Variants in ETV6 observed in about 807,000 individuals in gnomAD.
The protein encoded by ETV6 is transcription factor ETV6.
A neutral mutation model predicts 51.1 loss-of-function variants in ETV6; 16 were observed. The ratio of observed to expected loss-of-function variants is 0.31; its 90% CI spans 0.21 to 0.48. ETV6 has a LOEUF of 0.48. Ranked by LOEUF, ETV6 falls within the 20% of genes least tolerant of loss-of-function variation. The pLI, the probability that ETV6 is intolerant of heterozygous loss-of-function variation, is 0.99. For synonymous variants in ETV6, 240 were observed against 224.1 expected, an observed-to-expected ratio of 1.07 and a Z score of -0.64; for missense variants, 458 against 594.8, an observed-to-expected ratio of 0.77 and a Z score of 2.39.
chr12:11,733,280 T>G (rs1591637933), intron 1 of ETV6, among the ~76,000 whole-genome samples: 1 of 151,754 alleles, frequency 6.6e-6, no homozygotes. Flanking sequence ...TGGTGGCAGG[T>G]GCCTGTAGTC....
chr12:11,708,257 GAAA>G (rs59648448), intron 1 of ETV6, among the ~76,000 whole-genome samples: 12 of 113,228 alleles, frequency 1.1e-4, no homozygotes, highest in Non-Finnish European at 9.4e-5. Flanking sequence ...GAGTCTCAGT[GAAA>G]AAAAAAAAAA....
chr12:11,893,031 G>A lies in ETV6; in HGVS notation c.*1985G>A, dbSNP rs986089818. 1.0e-4 allele frequency: 24 copies of A among 232,782 alleles called. No individual in the cohort carries two copies. Among genetic ancestry groups the A allele is most frequent in the African/African-American group, 4.6e-4 (21 of 45,322 alleles). 14.4% of individuals were successfully genotyped at this position (232,782 alleles called of 1,614,324 possible). A position where few individuals can be genotyped will look rare whatever the true frequency, so the allele number is the denominator to read the frequency against. ...AGGTCAGGGACCTTCTATATGAGGC[G>A]AGTGGGTCTCAGTCTGCTTGAATGG... On this transcript the variant is annotated 3_prime_UTR_variant, in exon 8 of 8. Coordinates refer to ENST00000396373, the MANE Select transcript of ETV6 (RefSeq NM_001987.5).
At chr12:11,857,715 T>C (rs892098895) in intron 4 of ETV6, among the ~76,000 whole-genome samples, 2 of 152,182 alleles carry the variant, frequency 1.3e-5, no homozygotes, top group African/African-American at 4.8e-5. Flanking sequence ...TGTATGTATA[T>C]TTTAAAGGAT....
At chr12:11,711,872 A>G (rs1213621695) in intron 1 of ETV6, among the ~76,000 whole-genome samples, 1 of 152,124 alleles carries the variant, frequency 6.6e-6, no homozygotes, top group African/African-American at 2.4e-5. Flanking sequence ...GTATTTCCCA[A>G]CCTTCCCCCC....
chr12:11,778,480 C>T lies in ETV6; in HGVS notation c.163+25901C>T, dbSNP rs570441166. Among the ~76,000 whole-genome samples, 3 of 152,282 alleles carry T rather than the reference C, an allele frequency of 2.0e-5. No homozygotes were observed. The South Asian group carries it at 6.2e-4, about 32-fold the overall frequency. ...TTGTAACCATCTGAGATTCCTGGGG[C>T]TGGGTATAGTGCCTGATGCTCTCAA... On this transcript the variant is annotated intron_variant, in intron 2 of 7. Coordinates refer to ENST00000396373, the MANE Select transcript of ETV6 (RefSeq NM_001987.5).
chr12:11,893,841 T>TATACAC lies in ETV6; in HGVS notation c.*2796_*2797insTACACA, dbSNP rs1491290450. On this transcript the variant is annotated 3_prime_UTR_variant, in exon 8 of 8. Transcript: ENST00000396373. ...ATATATATATATATATATATATATA[T>TATACAC]ACACACACACACACATACACAAATA... 2.1e-4 allele frequency: 12 copies of TATACAC among 57,314 alleles called. No homozygotes were observed. Among genetic ancestry groups the TATACAC allele is most frequent in the African/African-American group, 7.6e-4 (12 of 15,690 alleles). The allele number at this position is 57,314 out of a possible 1,614,324, so 3.6% of individuals were successfully genotyped here.
At chr12:11,882,070 TAAG>T (rs1319938886) in intron 5 of ETV6, among the ~76,000 whole-genome samples, 2 of 152,212 alleles carry the variant, frequency 1.3e-5, no homozygotes, top group African/African-American at 2.4e-5. Flanking sequence ...GTTGTTGTTT[TAAG>T]AAGGAGGCCA....
chr12:11,690,126 C>T lies in ETV6; in HGVS notation c.33+39966C>T, dbSNP rs184441880. ...CCAGAGCTCAAGTCCCCACTGCAGA[C>T]GCCAGGAAGAAAGAGGTGGCTCGCA... On this transcript the variant is annotated intron_variant, in intron 1 of 7. Transcript: ENST00000396373. Among the ~76,000 whole-genome samples the T allele has an allele frequency of 2.6e-5, 4 of 151,848 alleles. No homozygotes were observed. In the East Asian group the frequency reaches 7.8e-4, roughly 30 times the overall value.
chr12:11,685,377 G>A (rs1443611579), intron 1 of ETV6, among the ~76,000 whole-genome samples: 2 of 150,718 alleles, frequency 1.3e-5, no homozygotes, highest in African/African-American at 4.9e-5. Flanking sequence ...CTTAAATCAC[G>A]CCTTTGAAAC....
chr12:11,688,319 A>G (rs962472775), intron 1 of ETV6, among the ~76,000 whole-genome samples: 4 of 152,212 alleles, frequency 2.6e-5, no homozygotes, highest in African/African-American at 9.7e-5. Flanking sequence ...TGATCCAGAA[A>G]GTAGTGGGAG....
chr12:11,844,215 G>A (rs191349096), intron 3 of ETV6, among the ~76,000 whole-genome samples: 72 of 152,118 alleles, frequency 4.7e-4, no homozygotes, highest in African/African-American at 1.5e-3. Flanking sequence ...TATTTTCTCC[G>A]AACAAGGAAA....
intron 2 of ETV6, among the ~76,000 whole-genome samples, chr12:11,827,825 CGTGT>C (rs1946181587): frequency 6.6e-6 from 1 of 152,150 alleles, no homozygotes; most frequent in South Asian, 2.1e-4. Flanking sequence ...AGAGATGGTC[CGTGT>C]GCGGTTTAAA....
At chr12:11,716,267 C>T (rs1201651126) in intron 1 of ETV6, among the ~76,000 whole-genome samples, 3 of 126,486 alleles carry the variant, frequency 2.4e-5, no homozygotes, top group Non-Finnish European at 4.7e-5. Flanking sequence ...GGAGGCTGAG[C>T]TTGCAGTGAG....
rs532404749 is a variant in ETV6 at position 11,808,623 on chromosome 12, T to C, written c.164-30517T>C. Among the ~76,000 whole-genome samples the C allele has an allele frequency of 2.0e-5, 3 of 152,308 alleles. No homozygotes were observed. In the South Asian group the frequency reaches 6.2e-4, roughly 32 times the overall value. On this transcript the variant is annotated intron_variant, in intron 2 of 7. Transcript: ENST00000396373. ...ATATACACCATTTTATATAAGGGAT[T>C]TGAGCATCCTTGGATTTTGGTATCT...
chr12:11,860,654 TA>T (rs1946703203), intron 4 of ETV6, among the ~76,000 whole-genome samples: 1 of 152,090 alleles, frequency 6.6e-6, no homozygotes, highest in African/African-American at 2.4e-5. Flanking sequence ...TGTTATTCAT[TA>T]TCATGATTCA....
chr12:11,669,373 T>TCCTCCCTTCCTCCCTCCCTCCCTCCCTC (rs1555112289), intron 1 of ETV6, among the ~76,000 whole-genome samples: 1 of 129,344 alleles, frequency 7.7e-6, no homozygotes, highest in African/African-American at 3.3e-5. Flanking sequence ...CTTCCTCCCT[T>TCCTCCCTTCCTCCCTCCCTCCCTCCCTC]CCTCCCTCCC....
At chr12:11,725,084 G>A in intron 1 of ETV6, among the ~76,000 whole-genome samples, 1 of 151,704 alleles carries the variant, frequency 6.6e-6, no homozygotes, top group East Asian at 1.9e-4. Context: ...CTTGGGTCGC[G>A]GCACATCTGT....
intron 5 of ETV6, among the ~76,000 whole-genome samples, chr12:11,882,549 T>TAA (rs1339089958): frequency 6.6e-6 from 1 of 152,326 alleles, no homozygotes; most frequent in East Asian, 1.9e-4. Context: ...TAAGGCGGCG[T>TAA]AAGGGTCAGA....
intron 4 of ETV6, among the ~76,000 whole-genome samples, chr12:11,863,155 C>CT (rs1946739804): frequency 6.6e-6 from 1 of 152,252 alleles, no homozygotes; most frequent in African/African-American, 2.4e-5. Flanking sequence ...TCGGTCAAAA[C>CT]TTTCACTAAA....
Sources: gnomAD v4.1 joint callset for allele counts (sites outside exome capture counted in the v4.1 genomes callset) on GRCh38, gnomAD v4.1.1 for gene constraint, MANE v1.5 for transcripts, NCBI Gene and HGNC (gene_info 2026-07-23, HGNC 2026-07-21) for gene names.